The following DNAI7 variants were observed in gnomAD, a reference collection of about 807,000 sequenced individuals.
DNAI7 encodes dynein axonemal intermediate chain 7.
DNAI7 carries 78 observed loss-of-function variants against 86.6 expected under a neutral mutation model. The ratio of observed to expected loss-of-function variants is 0.90; its 90% CI spans 0.75 to 1.09. The LOEUF (loss-of-function observed/expected upper bound fraction) is 1.09. DNAI7 is among the 50% of genes least tolerant of loss of function. The pLI is 0.00. For missense variants in DNAI7, 753 were observed against 810.2 expected (o/e 0.93, Z 0.86); for synonymous variants, 274 against 273.0 (o/e 1.00, Z -0.04).
rs142722822 is a variant in DNAI7 at position 25,119,215 on chromosome 12, C to T, written c.1326G>A (p.Glu442=). The change falls in exon 12 of 16, where the codon GAG becomes GAA. Residue 442 remains glutamate, a synonymous_variant. Transcript: ENST00000395987. ...FETENAFPPI[E]VTLEVHENVI... ...CATTCTCATGAACCTCAAGTGTGAC[C>T]TCTATAGGTGGGAAAGCATTTTCTG... The T allele has an allele frequency of 1.0e-4, 167 of 1,612,968 alleles. No homozygotes were observed. In the East Asian group the frequency reaches 3.6e-3, roughly 35 times the overall value.
At chr12:25,190,692 C>A in intron 1 of DNAI7, 61 bp from the exon 2 acceptor site, 3 of 960,568 alleles carry the variant, frequency 3.1e-6, no homozygotes, top group South Asian at 1.8e-5. Context: ...ACAAAAGTAT[C>A]ATGATTATGT....
chr12:25,185,939 T>C (rs1368230856), intron 2 of DNAI7, among the ~76,000 whole-genome samples: 2 of 152,318 alleles, frequency 1.3e-5, no homozygotes, highest in African/African-American at 2.4e-5. Flanking sequence ...TTTTGTAAAA[T>C]CTCTTCACAG....
rs1565729657 is a variant in DNAI7, at chr12:25,148,998, CTT to C, written c.585+628_585+629del. Among the ~76,000 whole-genome samples, 7 of 151,760 alleles carry C rather than the reference CTT, an allele frequency of 4.6e-5. No individual in the cohort carries two copies. The South Asian group carries it at 1.2e-3, about 27-fold the overall frequency. On this transcript the variant is annotated intron_variant, in intron 7 of 15. Coordinates refer to ENST00000395987, the MANE Select transcript of DNAI7 (RefSeq NM_018272.5). ...TTCTTCTTCTCCTTCTTCTTCTATT[CTT>C]ACTTTTATTTTTTTGAGACAGAGTC... is the stretch of plus-strand genomic sequence containing the variant.
chr12:25,113,281 GTTGTTGT>G (rs1939339701), intron 13 of DNAI7, among the ~76,000 whole-genome samples: 1 of 35,078 alleles, frequency 2.9e-5, no homozygotes, highest in Non-Finnish European at 6.0e-5. Flanking sequence ...TGTTGTTGCT[GTTGTTGT>G]TGTTGTTGTT....
intron 9 of DNAI7, 28 bp from the exon 10 acceptor site, chr12:25,123,314 T>C (rs936582821): frequency 1.4e-6 from 2 of 1,442,720 alleles, no homozygotes; most frequent in Admixed American, 3.7e-5. Flanking sequence ...CATATGGGTG[T>C]GATTGTCAGT....
intron 9 of DNAI7, among the ~76,000 whole-genome samples, chr12:25,131,956 A>G (rs908504213): frequency 5.3e-5 from 8 of 152,078 alleles, no homozygotes; most frequent in Non-Finnish European, 2.9e-5. Context: ...GAATGACAAG[A>G]GCATAGTGGA....
At chr12:25,138,106 T>A (rs1592344042) in intron 9 of DNAI7, among the ~76,000 whole-genome samples, 1 of 152,250 alleles carries the variant, frequency 6.6e-6, no homozygotes, top group East Asian at 1.9e-4. Flanking sequence ...CTATTATTCA[T>A]CAGCTCAAGG....
chr12:25,145,086 T>A (rs532058288), intron 8 of DNAI7, among the ~76,000 whole-genome samples: 1 of 152,298 alleles, frequency 6.6e-6, no homozygotes, highest in African/African-American at 2.4e-5. Flanking sequence ...TTATTTTTCC[T>A]AGGTTTGGGT....
chr12:25,114,375 C>T (rs1313932329), intron 13 of DNAI7, among the ~76,000 whole-genome samples: 3 of 152,296 alleles, frequency 2.0e-5, no homozygotes, highest in Non-Finnish European at 4.4e-5. Flanking sequence ...GAAATTCATA[C>T]TGCAATGAGG....
chr12:25,166,982 C>T (rs1016639177), intron 2 of DNAI7, among the ~76,000 whole-genome samples: 12 of 152,126 alleles, frequency 7.9e-5, no homozygotes, highest in African/African-American at 2.9e-4. Context: ...TGTTCCTGGC[C>T]CAGACTTCAA....
rs201004839 is a variant in DNAI7 at position 25,119,141 on chromosome 12, G to C, written c.1396+4C>G. 1.9e-6 allele frequency: 3 copies of C among 1,589,732 alleles called. No homozygotes were observed. In the East Asian group the frequency reaches 6.7e-5, roughly 36 times the overall value. On this transcript the variant is annotated splice_donor_region_variant and intron_variant, in intron 12 of 15. Coordinates refer to ENST00000395987, the MANE Select transcript of DNAI7 (RefSeq NM_018272.5). The stretch of plus-strand genomic sequence containing the variant: ...CTTTTATTACATAATTATAAAAGCT[G>C]TACCTTCAGCATCCCACCTTACAAC...
Position 25,114,671 on chromosome 12 carries a change from A to G in DNAI7, c.1596T>C (p.Ile532=). The change falls in exon 13 of 16, where the codon ATT becomes ATC. Residue 532 remains isoleucine (I), a synonymous_variant. Transcript: ENST00000395987. ...LLTVTTVFTE[I]QIQIKENLCM... is the part of the protein sequence containing the mutation. ...AGTAACTCACCTTAATTTGTATTTG[A>G]ATCTCAGTAAATACTGTAGTCACAG... The G allele has an allele frequency of 6.2e-7, 1 of 1,608,066 alleles. No individual in the cohort carries two copies. The highest frequency in any genetic ancestry group is 8.5e-7 in the Non-Finnish European group (1 of 1,174,624).
At chr12:25,165,644 G>A (rs1947374503) in intron 2 of DNAI7, among the ~76,000 whole-genome samples, 1 of 151,258 alleles carries the variant, frequency 6.6e-6, no homozygotes, top group South Asian at 2.1e-4. Flanking sequence ...AATTGCCTCG[G>A]AAGCCTACGG....
chr12:25,108,433 AT>A lies in DNAI7; in HGVS notation c.*114del. ...TTGAGTAGAAAATGCAGATTAGAAA[AT>A]TTTTAATAGTTGATTTGAAATGTAT... is the stretch of plus-strand genomic sequence containing the variant. On this transcript the variant is annotated 3_prime_UTR_variant, in exon 16 of 16. Coordinates refer to ENST00000395987, the MANE Select transcript of DNAI7 (RefSeq NM_018272.5). 1 of 927,370 alleles carries A rather than the reference AT, an allele frequency of 1.1e-6. No individual in the cohort carries two copies. Among genetic ancestry groups the A allele is most frequent in the Non-Finnish European group, 1.5e-6 (1 of 658,094 alleles). 57.4% of individuals were successfully genotyped at this position (927,370 alleles called of 1,614,324 possible).
chr12:25,120,319 A>G (rs1460262473), intron 11 of DNAI7, among the ~76,000 whole-genome samples: 1 of 143,512 alleles, frequency 7.0e-6, no homozygotes, highest in Non-Finnish European at 1.5e-5. Context: ...AGGAAGAGGG[A>G]GAGAGAGAGA....
At chr12:25,188,374 TG>T (rs1950223295) in intron 2 of DNAI7, among the ~76,000 whole-genome samples, 1 of 152,184 alleles carries the variant, frequency 6.6e-6, no homozygotes, top group Admixed American at 6.5e-5. Flanking sequence ...TCAAATGTCT[TG>T]GGTTGAAGAA....
chr12:25,144,444 T>C lies in DNAI7; in HGVS notation c.923A>G (p.Gln308Arg). 1.2e-6 allele frequency: 2 copies of C among 1,614,190 alleles called. No homozygotes were observed. Among genetic ancestry groups the C allele is most frequent in the Non-Finnish European group, 1.7e-6 (2 of 1,180,004 alleles). ...ISKEVEEESK[Q>R]QERGSHLIQE... ...AATTAAGTGAGACCCTCTTTCTTGT[T>C]GTTTGGACTCTTCTTCGACCTCCTT... is the stretch of plus-strand genomic sequence containing the variant. Residue 308 changes from glutamine (Q) to arginine (R), a missense_variant, in exon 9 of 16, where the codon CAA (glutamine) becomes CGA (arginine). Transcript: ENST00000395987.
chr12:25,169,320 C>G (rs11502710), intron 2 of DNAI7, among the ~76,000 whole-genome samples: 12,110 of 152,110 alleles, frequency 0.08, 1,472 homozygotes, highest in African/African-American at 0.26. Context: ...TTGTGACCCC[C>G]ACTCCTGCCC....
At chr12:25,169,902 C>G (rs1022908677) in intron 2 of DNAI7, among the ~76,000 whole-genome samples, 13 of 151,496 alleles carry the variant, frequency 8.6e-5, no homozygotes, top group African/African-American at 3.2e-4. Flanking sequence ...GATAAGAACT[C>G]CCCAATCAAC....
Sources: gnomAD v4.1 joint callset for allele counts (sites outside exome capture counted in the v4.1 genomes callset) on GRCh38, gnomAD v4.1.1 for gene constraint, MANE v1.5 for transcripts, NCBI Gene and HGNC (gene_info 2026-07-23, HGNC 2026-07-21) for gene names.